Variants in AFF3 observed in about 807,000 individuals in gnomAD.
The protein encoded by AFF3 is ALF transcription elongation factor 3, also known as AF4/FMR2 family member 3.
In AFF3, 32 loss-of-function variants were observed where a neutral mutation model predicts 129.7. The ratio of observed to expected loss-of-function variants is 0.25; its 90% CI spans 0.19 to 0.33. AFF3 has a LOEUF of 0.33. Among genes scored for constraint, AFF3 ranks in the 10% least tolerant of loss-of-function variants. The probability of loss-of-function intolerance (pLI) is 1.00; values close to 1 mark genes in which losing one functional copy is unlikely to be tolerated. For missense variants in AFF3, 1,373 were observed against 1,592.0 expected (o/e 0.86, Z 2.34); for synonymous variants, 644 against 635.4 (o/e 1.01, Z -0.20).
chr2:100,104,348 G>A, intron 4 of AFF3, 54 bp downstream of exon 4: 2 of 841,568 alleles, frequency 2.4e-6, no homozygotes, highest in Middle Eastern at 5.9e-4. Flanking sequence ...GCGGGCCGCC[G>A]CGGCCGCCCC....
intron 7 of AFF3, among the ~76,000 whole-genome samples, chr2:100,004,708 C>T (rs1279321254): frequency 1.3e-5 from 2 of 152,194 alleles, no homozygotes; most frequent in Non-Finnish European, 2.9e-5. Context: ...GTAGAAGTAA[C>T]TCACTACTTG....
At chr2:100,125,234 A>G (rs1363184223) in intron 2 of AFF3, among the ~76,000 whole-genome samples, 1 of 152,172 alleles carries the variant, frequency 6.6e-6, no homozygotes, top group East Asian at 1.9e-4. Flanking sequence ...ATAAAAATGC[A>G]AATGTCAGAC....
At position 99,594,113 on chromosome 2, in the gene AFF3, G is replaced by C; in HGVS notation, c.1548C>G (p.Pro516=). 2 of 1,614,024 alleles carry C rather than the reference G, an allele frequency of 1.2e-6. No homozygotes were observed. Among genetic ancestry groups the C allele is most frequent in the East Asian group, 4.5e-5 (2 of 44,868 alleles). The change falls in exon 15 of 25, where the codon CCC becomes CCG. Residue 516 remains proline, a synonymous_variant. Coordinates refer to ENST00000672756, the MANE Select transcript of AFF3 (RefSeq NM_001386135.1). ...TCTTGATCTCCTTCTCTCTCAGGCT[G>C]GGCTGGCAAACGTCGGGGACTTTCC... ...DCGKVPDVCQ[P]SLREKEIKST... is the part of the protein sequence containing the mutation.
At chr2:99,926,020 C>T (rs1696214088) in intron 7 of AFF3, among the ~76,000 whole-genome samples, 1 of 152,178 alleles carries the variant, frequency 6.6e-6, no homozygotes. Context: ...AAGCTGCTCA[C>T]AGTTAAATGC....
chr2:99,808,098 C>T (rs1485986122), intron 8 of AFF3, among the ~76,000 whole-genome samples: 1 of 152,190 alleles, frequency 6.6e-6, no homozygotes, highest in Non-Finnish European at 1.5e-5. Context: ...CTCTGGGAAC[C>T]TTAGAAGAGT....
At chr2:100,064,286 T>C (rs1271322786) in intron 4 of AFF3, among the ~76,000 whole-genome samples, 1 of 152,106 alleles carries the variant, frequency 6.6e-6, no homozygotes, top group African/African-American at 2.4e-5. Context: ...ACCCCTCCTC[T>C]ACTCCTTTTC....
chr2:99,795,521 A>G (rs554831040), intron 8 of AFF3, among the ~76,000 whole-genome samples: 1 of 152,188 alleles, frequency 6.6e-6, no homozygotes, highest in South Asian at 2.1e-4. Flanking sequence ...CCATAACAAA[A>G]CAGCACTTGT....
intron 4 of AFF3, among the ~76,000 whole-genome samples, chr2:100,088,064 C>T (rs1689587121): frequency 6.8e-6 from 1 of 147,298 alleles, no homozygotes; most frequent in Non-Finnish European, 1.5e-5. Flanking sequence ...CAGATAATAT[C>T]ACACTCAACA....
chr2:99,987,877 C>T (rs1680003425), intron 7 of AFF3, among the ~76,000 whole-genome samples: 3 of 152,196 alleles, frequency 2.0e-5, no homozygotes. Context: ...TTATAAAACA[C>T]TATGAACCTG....
chr2:99,710,624 G>A (rs1448220100), intron 11 of AFF3, among the ~76,000 whole-genome samples: 2 of 152,108 alleles, frequency 1.3e-5, no homozygotes, highest in African/African-American at 4.8e-5. Flanking sequence ...GAAATCCCAT[G>A]GAATCCTTAT....
intron 4 of AFF3, among the ~76,000 whole-genome samples, chr2:100,067,601 T>C (rs1687834210): frequency 6.6e-6 from 1 of 152,190 alleles, no homozygotes; most frequent in South Asian, 2.1e-4. Flanking sequence ...AAGCCAATAG[T>C]GGCATTAATA....
intron 8 of AFF3, among the ~76,000 whole-genome samples, chr2:99,781,226 G>A (rs1684383132): frequency 6.6e-6 from 1 of 152,134 alleles, no homozygotes; most frequent in Non-Finnish European, 1.5e-5. Context: ...TTACTTGATA[G>A]ATCTCTGCTC....
chr2:100,100,630 T>A (rs1489861188), intron 4 of AFF3, among the ~76,000 whole-genome samples: 1 of 152,220 alleles, frequency 6.6e-6, no homozygotes, highest in Admixed American at 6.5e-5. Flanking sequence ...CTTAATTTCC[T>A]CACTTGACAA....
At chr2:99,836,881 A>G (rs944504091) in intron 8 of AFF3, among the ~76,000 whole-genome samples, 7 of 152,192 alleles carry the variant, frequency 4.6e-5, no homozygotes, top group Admixed American at 1.3e-4. Flanking sequence ...ATGTCTGAAT[A>G]TTTGGGAAAA....
chr2:99,547,789 G>A lies in AFF3; in HGVS notation c.*3685C>T, dbSNP rs920208944. 1.9e-5 allele frequency: 4 copies of A among 209,544 alleles called. No homozygotes were observed. The allele number at this position is 209,544 out of a possible 1,614,324, so 13.0% of individuals were successfully genotyped here. A position where few individuals can be genotyped will look rare whatever the true frequency, so the allele number is the denominator to read the frequency against. On this transcript the variant is annotated 3_prime_UTR_variant, in exon 25 of 25. Coordinates refer to ENST00000672756, the MANE Select transcript of AFF3 (RefSeq NM_001386135.1). ...AAATGTATGCATTTATACAAACTGT[G>A]TATATTATGTATGGGGTGTCAGAAA... is the stretch of plus-strand genomic sequence containing the variant.
At position 99,903,242 on chromosome 2, in the gene AFF3, C is replaced by T. The variant is rs556581222; in HGVS notation, c.874-65718G>A. On this transcript the variant is annotated intron_variant, in intron 7 of 24. Coordinates refer to ENST00000672756, the MANE Select transcript of AFF3 (RefSeq NM_001386135.1). ...ATGACACGTAATAGATTGTAAGACA[C>T]AGTCCAATTTCAGAGCTATTAAAAT... Among the ~76,000 whole-genome samples, 4 of 152,282 alleles carry T rather than the reference C, an allele frequency of 2.6e-5. No homozygotes were observed. The South Asian group carries it at 8.3e-4, about 32-fold the overall frequency.
intron 4 of AFF3, among the ~76,000 whole-genome samples, chr2:100,086,693 T>C (rs1213767203): frequency 1.3e-4 from 20 of 152,200 alleles, no homozygotes; most frequent in Admixed American, 2.0e-4. Context: ...TATTCTACTA[T>C]TGAAAAAAGA....
intron 10 of AFF3, among the ~76,000 whole-genome samples, chr2:99,742,878 A>G (rs1680833674): frequency 6.6e-6 from 1 of 152,204 alleles, no homozygotes; most frequent in Admixed American, 6.5e-5. Flanking sequence ...TCTGTCAAAA[A>G]TGCCAAGCTG....
intron 4 of AFF3, among the ~76,000 whole-genome samples, chr2:100,061,484 A>G (rs2105231189): frequency 6.6e-6 from 1 of 152,332 alleles, no homozygotes; most frequent in East Asian, 1.9e-4. Flanking sequence ...ACAACTGGCC[A>G]GCATGGAAAG....
Sources: gnomAD v4.1 joint callset for allele counts (sites outside exome capture counted in the v4.1 genomes callset) on GRCh38, gnomAD v4.1.1 for gene constraint, MANE v1.5 for transcripts, NCBI Gene and HGNC (gene_info 2026-07-23, HGNC 2026-07-21) for gene names.